TFDP2: variants seen among roughly 807,000 people sequenced by gnomAD.
TFDP2 encodes transcription factor Dp-2, also known as transcription factor Dp-2 (E2F dimerization partner 2).
A neutral mutation model predicts 59.3 loss-of-function variants in TFDP2; 17 were observed. That is an observed-to-expected ratio of 0.29 (90% CI 0.20 to 0.43). TFDP2 has a LOEUF of 0.43. Among genes scored for constraint, TFDP2 ranks in the 20% least tolerant of loss-of-function variants. The pLI is 1.00. For missense variants in TFDP2, 391 were observed against 528.8 expected, an observed-to-expected ratio of 0.74 and a Z score of 2.56; for synonymous variants, 180 against 194.7, an observed-to-expected ratio of 0.92 and a Z score of 0.63.
intron 3 of TFDP2, among the ~76,000 whole-genome samples, chr3:142,012,136 C>T (rs1944770642): frequency 1.3e-5 from 2 of 151,640 alleles, no homozygotes; most frequent in South Asian, 4.2e-4. Flanking sequence ...CCTCAGCCTC[C>T]CAAGTAGCTG....
chr3:142,124,721 C>CTTTTTTTTTTTT (rs2062175215), intron 1 of TFDP2, among the ~76,000 whole-genome samples: 1 of 151,880 alleles, frequency 6.6e-6, no homozygotes, highest in Admixed American at 6.6e-5. Flanking sequence ...ACAAAAAATG[C>CTTTTTTTTTTTT]ACATTTTTTT....
chr3:142,132,130 T>A (rs1051105524), intron 1 of TFDP2, among the ~76,000 whole-genome samples: 2 of 150,046 alleles, frequency 1.3e-5, no homozygotes, highest in Non-Finnish European at 2.9e-5. Flanking sequence ...ATGGCATATA[T>A]GAAACATTAT....
chr3:142,138,211 G>A (rs1217866415), intron 1 of TFDP2, among the ~76,000 whole-genome samples: 1 of 152,064 alleles, frequency 6.6e-6, no homozygotes, highest in Non-Finnish European at 1.5e-5. Flanking sequence ...CTGTGGGATT[G>A]GTGGTGATAT....
At chr3:142,023,373 T>C (rs1394937412) in intron 3 of TFDP2, among the ~76,000 whole-genome samples, 2 of 151,248 alleles carry the variant, frequency 1.3e-5, no homozygotes, top group Admixed American at 1.3e-4. Context: ...GTATTTTTAG[T>C]AGAGACAGGG....
intron 9 of TFDP2, among the ~76,000 whole-genome samples, chr3:141,965,936 T>C (rs527785757): frequency 2.2e-4 from 33 of 152,134 alleles, no homozygotes; most frequent in African/African-American, 9.7e-5. Context: ...TACTCCTGCA[T>C]AGCTTCTCTT....
intron 9 of TFDP2, among the ~76,000 whole-genome samples, chr3:141,969,064 T>C (rs1225866919): frequency 1.2e-5 from 1 of 83,590 alleles, no homozygotes; most frequent in Non-Finnish European, 2.2e-5. Context: ...CATATATATC[T>C]CATATATATG....
At chr3:141,978,766 C>A (rs567537288) in intron 6 of TFDP2, 84 bp from the exon 7 acceptor site, 2 of 1,046,270 alleles carry the variant, frequency 1.9e-6, no homozygotes, top group East Asian at 3.0e-5. Context: ...TGCAAGAAGA[C>A]AGTAATTTAA....
chr3:142,020,680 A>T (rs917183934), intron 3 of TFDP2, among the ~76,000 whole-genome samples: 2 of 110,326 alleles, frequency 1.8e-5, no homozygotes, highest in African/African-American at 7.2e-5. Context: ...CTTTTTCTTT[A>T]AAAAAAAAAA....
chr3:142,081,427 C>G (rs532655603), intron 3 of TFDP2, among the ~76,000 whole-genome samples: 20 of 151,952 alleles, frequency 1.3e-4, no homozygotes, highest in Non-Finnish European at 2.9e-4. Context: ...TCTTAAAGAG[C>G]TAGAAAAGCA....
rs1347581317 is a variant in TFDP2 at position 141,979,929 on chromosome 3, T to G, written c.357-1247A>C. On this transcript the variant is annotated intron_variant, in intron 6 of 12. Transcript: ENST00000489671. ...CTGTTTTTGGGTTTTTTTTTTTGGA[T>G]TCAGGGTCTCACTCTGTTGCCCGGG... Among the ~76,000 whole-genome samples, 4 of 150,612 alleles carry G rather than the reference T, an allele frequency of 2.7e-5. No homozygotes were observed. The East Asian group carries it at 7.8e-4, about 29-fold the overall frequency.
intron 3 of TFDP2, among the ~76,000 whole-genome samples, chr3:142,067,054 C>G (rs963081456): frequency 3.9e-5 from 6 of 152,004 alleles, no homozygotes; most frequent in Non-Finnish European, 7.4e-5. Context: ...AAAATAATAC[C>G]TAAAAATAAA....
rs146906451 is a variant in TFDP2, at chr3:141,957,762, A to C, written c.1051+1912T>G. 1.5e-3 allele frequency among the ~76,000 whole-genome samples: 221 copies of C among 152,340 alleles called. 1 individual carries two copies. The highest frequency in any genetic ancestry group is 6.8e-3 in the Middle Eastern group (2 of 294). On this transcript the variant is annotated intron_variant, in intron 11 of 12. Coordinates refer to ENST00000489671, the MANE Select transcript of TFDP2 (RefSeq NM_001178139.2). ...CATTCACATAAAGCGTCTTTCTAGA[A>C]TAGGCAAATCCATAGTGACACAAAG... is the stretch of plus-strand genomic sequence containing the variant.
Position 141,952,906 on chromosome 3 carries a change from C to A in TFDP2, c.1157+5G>T. 1 of 1,613,010 alleles carries A rather than the reference C, an allele frequency of 6.2e-7. No individual in the cohort carries two copies. The highest frequency in any genetic ancestry group is 8.5e-7 in the Non-Finnish European group (1 of 1,179,048). ...TGCCTTTCTAACCCTGAAAAAAATACGTACCTTGACTGGGGTAAGGTGGCA... is the reference window on the plus strand; with the variant it reads ...TGCCTTTCTAACCCTGAAAAAAATAAGTACCTTGACTGGGGTAAGGTGGCA... On this transcript the variant is annotated splice_donor_5th_base_variant and intron_variant, in intron 12 of 12. Transcript: ENST00000489671.
In TFDP2 at chr3:141,944,624, C is replaced by G. The variant is rs1013296184; in HGVS notation, c.*7889G>C. 5.9e-5 allele frequency: 9 copies of G among 152,184 alleles called. No homozygotes were observed. The highest frequency in any genetic ancestry group is 2.2e-4 in the African/African-American group (9 of 41,430). The allele number at this position is 152,184 out of a possible 1,614,324, so 9.4% of individuals were successfully genotyped here. On this transcript the variant is annotated 3_prime_UTR_variant, in exon 13 of 13. Coordinates refer to ENST00000489671, the MANE Select transcript of TFDP2 (RefSeq NM_001178139.2). Reference sequence around the variant, plus strand: ...TACAAATACAGCTTCCCAGGCCCCACCTCCAGCACTTCTGACTGAGCGTCT... The same window carrying G: ...TACAAATACAGCTTCCCAGGCCCCAGCTCCAGCACTTCTGACTGAGCGTCT...
At chr3:142,025,167 C>T (rs2108378082) in intron 3 of TFDP2, among the ~76,000 whole-genome samples, 1 of 152,230 alleles carries the variant, frequency 6.6e-6, no homozygotes, top group African/African-American at 2.4e-5. Flanking sequence ...CAGACACTCC[C>T]AACCAATTTC....
chr3:142,105,312 C>T (rs2108656011), intron 1 of TFDP2, among the ~76,000 whole-genome samples: 1 of 152,294 alleles, frequency 6.6e-6, no homozygotes, highest in Admixed American at 6.5e-5. Context: ...GCTGAAGTGG[C>T]AATGTGCCCC....
At chr3:142,071,492 T>C (rs1437519635) in intron 3 of TFDP2, among the ~76,000 whole-genome samples, 2 of 152,174 alleles carry the variant, frequency 1.3e-5, no homozygotes, top group East Asian at 1.9e-4. Flanking sequence ...TTGGACTTTA[T>C]CTTGAGGGCA....
intron 3 of TFDP2, among the ~76,000 whole-genome samples, chr3:142,032,927 G>GGCTT (rs1176499200): frequency 1.3e-5 from 2 of 152,164 alleles, no homozygotes; most frequent in Non-Finnish European, 2.9e-5. Flanking sequence ...CAGGCGCAGT[G>GGCTT]GCTTATGCTT....
chr3:142,006,789 C>CTT (rs34909530), intron 3 of TFDP2, among the ~76,000 whole-genome samples: 6 of 150,528 alleles, frequency 4.0e-5, no homozygotes, highest in Admixed American at 6.6e-5. Flanking sequence ...TTTTCTTTTT[C>CTT]TTTTTTTTTG....
Sources: allele counts gnomAD v4.1 joint callset (sites outside exome capture counted in the v4.1 genomes callset), GRCh38; gene constraint gnomAD v4.1.1; transcripts MANE v1.5; gene names NCBI Gene and HGNC (gene_info 2026-07-23, HGNC 2026-07-21).